TRIAP1: variants seen among roughly 807,000 people sequenced by gnomAD.
TRIAP1 encodes the protein TP53-regulated inhibitor of apoptosis 1.
TRIAP1 carries 8 observed loss-of-function variants against 8.4 expected under a neutral mutation model. The observed-to-expected ratio is 0.96, with a 90% CI of 0.56 to 1.73. The LOEUF (loss-of-function observed/expected upper bound fraction) is 1.73. Among genes scored for constraint, TRIAP1 ranks in the 40% most tolerant of loss-of-function variants. The pLI, the probability that TRIAP1 is intolerant of heterozygous loss-of-function variation, is 0.00. For missense variants in TRIAP1, 90 were observed against 96.9 expected, an observed-to-expected ratio of 0.93 and a Z score of 0.30; for synonymous variants, 35 against 34.0, an observed-to-expected ratio of 1.03 and a Z score of -0.10.
intron 1 of TRIAP1, 73 bp downstream of exon 1, chr12:120,446,153 G>A (rs1877846882): frequency 6.3e-7 from 1 of 1,580,002 alleles, no homozygotes; most frequent in South Asian, 1.1e-5. Flanking sequence ...CCCAATCCCC[G>A]TAAAATACGA....
Position 120,444,786 on chromosome 12 carries a change from G to C in TRIAP1, c.*86C>G. 1 of 992,590 alleles carries C rather than the reference G, an allele frequency of 1.0e-6. No individual in the cohort carries two copies. The highest frequency in any genetic ancestry group is 1.6e-6 in the Non-Finnish European group (1 of 628,746). The allele number at this position is 992,590 out of a possible 1,614,324, so 61.5% of individuals were successfully genotyped here. ...CTCTCCTAAGTTCCTCATCAAATCT[G>C]ATGGCTATGTTCACAGAGTTAGTTG... On this transcript the variant is annotated 3_prime_UTR_variant, in exon 2 of 2. Transcript: ENST00000546954.
At position 120,444,679 on chromosome 12, in the gene TRIAP1, A is replaced by G; in HGVS notation, c.*193T>C. The G allele has an allele frequency of 1.7e-6, 1 of 575,706 alleles. No homozygotes were observed. Among genetic ancestry groups the G allele is most frequent in the South Asian group, 2.0e-5 (1 of 49,414 alleles). 35.7% of individuals were successfully genotyped at this position (575,706 alleles called of 1,614,324 possible). A position where few individuals can be genotyped will look rare whatever the true frequency, so the allele number is the denominator to read the frequency against. On this transcript the variant is annotated 3_prime_UTR_variant, in exon 2 of 2. Transcript: ENST00000546954. ...TTTTAGCACACAGTTCCTGCAAGATACCACAGCAGGTGAGAAATCATCTCA... is the reference window on the plus strand; with the variant it reads ...TTTTAGCACACAGTTCCTGCAAGATGCCACAGCAGGTGAGAAATCATCTCA...
Position 120,444,680 on chromosome 12 carries a change from C to A in TRIAP1, c.*192G>T. ...TTTAGCACACAGTTCCTGCAAGATACCACAGCAGGTGAGAAATCATCTCAA... is the reference window on the plus strand; with the variant it reads ...TTTAGCACACAGTTCCTGCAAGATAACACAGCAGGTGAGAAATCATCTCAA... On this transcript the variant is annotated 3_prime_UTR_variant, in exon 2 of 2. Coordinates refer to ENST00000546954, the MANE Select transcript of TRIAP1 (RefSeq NM_016399.3). 1 of 576,322 alleles carries A rather than the reference C, an allele frequency of 1.7e-6. No homozygotes were observed. The highest frequency in any genetic ancestry group is 3.1e-6 in the Non-Finnish European group (1 of 324,500). 35.7% of individuals were successfully genotyped at this position (576,322 alleles called of 1,614,324 possible). A position where few individuals can be genotyped will look rare whatever the true frequency, so the allele number is the denominator to read the frequency against.
At position 120,446,331 on chromosome 12, in the gene TRIAP1, C is replaced by G. The variant is rs1380659304; in HGVS notation, c.42G>C (p.Glu14Asp). ...ACCAGCGATTGAAGCACTGGTCGTA[C>G]TCGCGCTTCATGTCCGTGCATGCCT... ...VGEACTDMKREYDQCFNRWFA... is the reference protein window; with the variant it reads ...VGEACTDMKRDYDQCFNRWFA... The change falls in exon 1 of 2, where the codon GAG (glutamate) becomes GAC (aspartate). Residue 14 changes from glutamate to aspartate, a missense_variant. By Grantham distance (45) the Glu-to-Asp change is conservative. Coordinates refer to ENST00000546954, the MANE Select transcript of TRIAP1 (RefSeq NM_016399.3). The G allele has an allele frequency of 1.9e-6, 3 of 1,614,144 alleles. No homozygotes were observed. In the African/African-American group the frequency reaches 4.0e-5, roughly 22 times the overall value.
Position 120,446,314 on chromosome 12 carries a change from T to C in TRIAP1, c.59A>G (p.Asn20Ser), listed in dbSNP as rs1877853547. The C allele has an allele frequency of 5.0e-6, 8 of 1,614,094 alleles. No individual in the cohort carries two copies. The highest frequency in any genetic ancestry group is 1.7e-5 in the Admixed American group (1 of 59,996). ...GAGAAATTTCTCGGCGAACCAGCGA[T>C]TGAAGCACTGGTCGTACTCGCGCTT... ...DMKREYDQCF[N>S]RWFAEKFLKG... is the part of the protein sequence containing the mutation. Residue 20 changes from asparagine to serine, a missense_variant, in exon 1 of 2, where the codon AAT becomes AGT. Transcript: ENST00000546954.
rs1443302661 is a variant in TRIAP1 at position 120,446,221 on chromosome 12, C to T, written c.147+5G>A. The stretch of plus-strand genomic sequence containing the variant: ...GGGCCTGGGAACAGAGGCGGGAGGG[C>T]TCACCTGAACACACTGCTGGTAGCG... On this transcript the variant is annotated splice_donor_5th_base_variant and intron_variant, in intron 1 of 1. Coordinates refer to ENST00000546954, the MANE Select transcript of TRIAP1 (RefSeq NM_016399.3). The T allele has an allele frequency of 6.2e-7, 1 of 1,611,636 alleles. No homozygotes were observed. Among genetic ancestry groups the T allele is most frequent in the Non-Finnish European group, 8.5e-7 (1 of 1,178,564 alleles).
chr12:120,445,978 G>A, intron 1 of TRIAP1: 1 of 517,048 alleles, frequency 1.9e-6, no homozygotes. Flanking sequence ...TGCGAGTTTA[G>A]GGTGAACACC....
rs1877796619 is a variant in TRIAP1 at position 120,444,352 on chromosome 12, C to CA, written c.*519dup. 6.5e-6 allele frequency: 1 copy of CA among 153,450 alleles called. No individual in the cohort carries two copies. 9.5% of individuals were successfully genotyped at this position (153,450 alleles called of 1,614,324 possible). On this transcript the variant is annotated 3_prime_UTR_variant, in exon 2 of 2. Transcript: ENST00000546954. Reference sequence around the variant, plus strand: ...CCTCTTTGCTAATCCAGGCCACCATCAATCTTAACCATTAGTTACTATATA... The same window carrying CA: ...CCTCTTTGCTAATCCAGGCCACCATCAAATCTTAACCATTAGTTACTATATA...
Position 120,444,960 on chromosome 12 carries a change from T to C in TRIAP1, c.148-5A>G, listed in dbSNP as rs1555219039. ...CTCTTTCTCCTTTATTGCTTTCTGG[T>C]AGGAGGAGAAAACACATTATAAAGA... is the stretch of plus-strand genomic sequence containing the variant. On this transcript the variant is annotated splice_region_variant and splice_polypyrimidine_tract_variant and intron_variant, in intron 1 of 1. Transcript: ENST00000546954. 3.1e-6 allele frequency: 5 copies of C among 1,608,368 alleles called. No homozygotes were observed. The East Asian group carries it at 8.9e-5, about 29-fold the overall frequency.
At chr12:120,446,032 C>T (rs773207575) in intron 1 of TRIAP1, 194 bp downstream of exon 1, 9 of 698,944 alleles carry the variant, frequency 1.3e-5, no homozygotes, top group Non-Finnish European at 2.1e-5. Context: ...AAAGCACTGC[C>T]CCAATATTTG....
chr12:120,444,563 C>T lies in TRIAP1; in HGVS notation c.*309G>A, dbSNP rs539743582. The T allele has an allele frequency of 5.9e-6, 2 of 341,160 alleles. No individual in the cohort carries two copies. Among genetic ancestry groups the T allele is most frequent in the East Asian group, 1.7e-4 (2 of 12,018 alleles). 21.1% of individuals were successfully genotyped at this position (341,160 alleles called of 1,614,324 possible). A position where few individuals can be genotyped will look rare whatever the true frequency, so the allele number is the denominator to read the frequency against. On this transcript the variant is annotated 3_prime_UTR_variant, in exon 2 of 2. Coordinates refer to ENST00000546954, the MANE Select transcript of TRIAP1 (RefSeq NM_016399.3). ...GGTCAGGCAGCTCTGCTCATCCTGA[C>T]TAGTTTATCATCGTTTGCATACAAG...
Position 120,446,360 on chromosome 12 carries a change from C to A in TRIAP1, c.13G>T (p.Gly5Trp), listed in dbSNP as rs1877857725. 6.2e-7 allele frequency: 1 copy of A among 1,614,036 alleles called. No homozygotes were observed. Among genetic ancestry groups the A allele is most frequent in the Admixed American group, 1.7e-5 (1 of 60,010 alleles). Residue 5 changes from glycine to tryptophan, a missense_variant, in exon 1 of 2, where the codon GGG (glycine) becomes TGG (tryptophan). By Grantham distance (184) the Gly-to-Trp change is radical (BLOSUM62 -2). Coordinates refer to ENST00000546954, the MANE Select transcript of TRIAP1 (RefSeq NM_016399.3). Reference protein sequence around the residue: MNSVGEACTDMKREY... With the variant: MNSVWEACTDMKREY... ...CGCTTCATGTCCGTGCATGCCTCCC[C>A]CACACTGTTCATGGCGACAGTGGTG...
At position 120,444,903 on chromosome 12, in the gene TRIAP1, T is replaced by C; in HGVS notation, c.200A>G (p.His67Arg). The C allele has an allele frequency of 1.2e-6, 2 of 1,613,920 alleles. No homozygotes were observed. Among genetic ancestry groups the C allele is most frequent in the Non-Finnish European group, 1.7e-6 (2 of 1,179,932 alleles). ...IPIEGLEFMG[H>R]GKEKPENSS ...AGAATTTTCAGGCTTTTCTTTGCCATGGCCCATGAACTCCAGTCCTTCAAT... is the reference window on the plus strand; with the variant it reads ...AGAATTTTCAGGCTTTTCTTTGCCACGGCCCATGAACTCCAGTCCTTCAAT... The change falls in exon 2 of 2, where the codon CAT becomes CGT. Residue 67 changes from histidine to arginine, a missense_variant. Physicochemically the swap from His to Arg is conservative, Grantham distance 29 (BLOSUM62 0). Coordinates refer to ENST00000546954, the MANE Select transcript of TRIAP1 (RefSeq NM_016399.3).
chr12:120,446,075 GTGA>G lies in TRIAP1; in HGVS notation c.147+148_147+150del, dbSNP rs1187805015. On this transcript the variant is annotated intron_variant, in intron 1 of 1. Coordinates refer to ENST00000546954, the MANE Select transcript of TRIAP1 (RefSeq NM_016399.3). ...GAGAGACACCCAAGTGGCCTCGGTGGTGATGGTAGGGGAGCGAGCTCCTGCCAC... is the reference window on the plus strand; with the variant it reads ...GAGAGACACCCAAGTGGCCTCGGTGGTGGTAGGGGAGCGAGCTCCTGCCAC... 2.7e-6 allele frequency: 3 copies of G among 1,113,122 alleles called. No homozygotes were observed. The South Asian group carries it at 5.0e-5, about 18-fold the overall frequency. 69.0% of individuals were successfully genotyped at this position (1,113,122 alleles called of 1,614,324 possible).
At chr12:120,445,635 T>C (rs933617335) in intron 1 of TRIAP1, among the ~76,000 whole-genome samples, 1 of 152,202 alleles carries the variant, frequency 6.6e-6, no homozygotes. Flanking sequence ...TGTGTTGGGT[T>C]AACTTATTGG....
intron 1 of TRIAP1, 96 bp from the exon 2 acceptor site, chr12:120,445,051 T>A: frequency 1.1e-6 from 1 of 906,936 alleles, no homozygotes; most frequent in Non-Finnish European, 1.7e-6. Context: ...AAAATCAAGC[T>A]GATTATAAAG....
At chr12:120,446,070 C>T in intron 1 of TRIAP1, 156 bp downstream of exon 1, 1 of 1,033,130 alleles carries the variant, frequency 9.7e-7, no homozygotes, top group Admixed American at 2.9e-5. Context: ...CAAGTGGCCT[C>T]GGTGGTGATG....
In TRIAP1 at chr12:120,444,611, C is replaced by G; in HGVS notation, c.*261G>C. 7.1e-6 allele frequency: 3 copies of G among 424,782 alleles called. No individual in the cohort carries two copies. Among genetic ancestry groups the G allele is most frequent in the Non-Finnish European group, 1.3e-5 (3 of 232,284 alleles). 26.3% of individuals were successfully genotyped at this position (424,782 alleles called of 1,614,324 possible). On this transcript the variant is annotated 3_prime_UTR_variant, in exon 2 of 2. Transcript: ENST00000546954. ...AAGGTATATTTATGTAAAGCTGATT[C>G]CACGCCAAGTATTGCAACCATAATC... is the stretch of plus-strand genomic sequence containing the variant.
chr12:120,446,189 G>A (rs771534352), intron 1 of TRIAP1, 37 bp downstream of exon 1: 2 of 1,608,626 alleles, frequency 1.2e-6, no homozygotes, highest in Non-Finnish European at 1.7e-6. Context: ...ACAGCGCCGA[G>A]AATGCAGGGC....
Sources: allele counts gnomAD v4.1 joint callset (sites outside exome capture counted in the v4.1 genomes callset), GRCh38; gene constraint gnomAD v4.1.1; transcripts MANE v1.5; gene names NCBI Gene and HGNC (gene_info 2026-07-23, HGNC 2026-07-21).